CNGB1: variants seen among roughly 807,000 people sequenced by gnomAD.
CNGB1 encodes the protein cyclic nucleotide-gated channel beta-1.
A neutral mutation model predicts 151.7 loss-of-function variants in CNGB1; 126 were observed. That is an observed-to-expected ratio of 0.83 (90% CI 0.72 to 0.96). CNGB1 has a LOEUF of 0.96. Ranked by LOEUF, CNGB1 falls within the 40% of genes least tolerant of loss-of-function variation. CNGB1 has a pLI of 0.00. For missense variants in CNGB1, 1,698 were observed against 1,627.0 expected (o/e 1.04, Z -0.75); for synonymous variants, 623 against 635.1 (o/e 0.98, Z 0.29).
chr16:57,923,218 A>AACCC, intron 18 of CNGB1, 55 bp downstream of exon 18: 9 of 1,082,592 alleles, frequency 8.3e-6, no homozygotes, highest in South Asian at 1.3e-5. Flanking sequence ...GCCCCCCCAC[A>AACCC]TCCCCCACCC....
rs528808099 is a variant in CNGB1, at chr16:57,892,398, A to G, written c.3243-4324T>C. ...CTGATGTGGTGGGGAACGTGGGGAG[A>G]TTTTCTGGGAGAAATTCAGATAGAC... On this transcript the variant is annotated intron_variant, in intron 31 of 32. Coordinates refer to ENST00000251102, the MANE Select transcript of CNGB1 (RefSeq NM_001297.5). 7.0e-4 allele frequency among the ~76,000 whole-genome samples: 107 copies of G among 152,138 alleles called. 1 individual carries two copies. Among genetic ancestry groups the G allele is most frequent in the African/African-American group, 2.5e-3 (103 of 41,514 alleles).
rs770163501 is a variant in CNGB1, at chr16:57,923,368, G to T, written c.1548C>A (p.Pro516=). ...GCTCTTCAGCCTCATCATCCTCAGAGGGCAGCTTCTTCCTGCAAAGACACA... is the reference window on the plus strand; with the variant it reads ...GCTCTTCAGCCTCATCATCCTCAGATGGCAGCTTCTTCCTGCAAAGACACA... ...SASGTHRKKL[P]SEDDEAEELK... The change falls in exon 18 of 33, where the codon CCC becomes CCA. Residue 516 remains proline, a synonymous_variant. Coordinates refer to ENST00000251102, the MANE Select transcript of CNGB1 (RefSeq NM_001297.5). The T allele has an allele frequency of 6.2e-7, 1 of 1,613,084 alleles. No individual in the cohort carries two copies. The highest frequency in any genetic ancestry group is 8.5e-7 in the Non-Finnish European group (1 of 1,179,652).
chr16:57,936,899 G>T (rs1457809274), intron 16 of CNGB1, among the ~76,000 whole-genome samples: 2 of 152,164 alleles, frequency 1.3e-5, no homozygotes, highest in Non-Finnish European at 2.9e-5. Context: ...GGAAGAGAAG[G>T]GGGCTACAAC....
chr16:57,962,544 C>A (rs1207833000), intron 7 of CNGB1, 21 bp downstream of exon 7: 1 of 1,611,182 alleles, frequency 6.2e-7, no homozygotes, highest in South Asian at 1.1e-5. Context: ...ACAACAGTGA[C>A]ACTCAGGGAT....
At chr16:57,937,724 C>T (rs370754093) in intron 16 of CNGB1, among the ~76,000 whole-genome samples, 1 of 152,206 alleles carries the variant, frequency 6.6e-6, no homozygotes, top group Non-Finnish European at 1.5e-5. Context: ...CAGTCCAAAG[C>T]AGCCCTGGAG....
intron 1 of CNGB1, among the ~76,000 whole-genome samples, chr16:57,969,949 C>A (rs1423296721): frequency 6.6e-6 from 1 of 152,208 alleles, no homozygotes; most frequent in African/African-American, 2.4e-5. Context: ...TGCCAGGGAC[C>A]CTGGCCCCAG....
chr16:57,915,451 G>T, intron 22 of CNGB1, 116 bp from the exon 23 acceptor site: 1 of 826,492 alleles, frequency 1.2e-6, no homozygotes, highest in Non-Finnish European at 2.0e-6. Context: ...GAATGCCCCA[G>T]TAGAGCTTAA....
intron 16 of CNGB1, among the ~76,000 whole-genome samples, chr16:57,938,935 C>A (rs1021651153): frequency 1.3e-5 from 2 of 152,156 alleles, no homozygotes; most frequent in Non-Finnish European, 2.9e-5. Context: ...AGGAAAAGCT[C>A]ATAAAGAGAC....
intron 6 of CNGB1, 61 bp from the exon 7 acceptor site, chr16:57,962,671 G>T: frequency 6.3e-7 from 1 of 1,590,276 alleles, no homozygotes; most frequent in African/African-American, 1.3e-5. Flanking sequence ...CAGCCCCCTG[G>T]GCAGCCTGGA....
chr16:57,908,321 T>A (rs1306062175), intron 25 of CNGB1, among the ~76,000 whole-genome samples: 1 of 152,220 alleles, frequency 6.6e-6, no homozygotes, highest in East Asian at 1.9e-4. Flanking sequence ...TTAACCACTC[T>A]ACAAAGCCGC....
At chr16:57,941,576 G>A (rs191340095) in intron 14 of CNGB1, among the ~76,000 whole-genome samples, 6 of 152,274 alleles carry the variant, frequency 3.9e-5, no homozygotes, top group East Asian at 1.9e-4. Context: ...ATCTATAAAC[G>A]CGGTACACCA....
chr16:57,958,501 A>C lies in CNGB1; in HGVS notation c.762-16T>G, dbSNP rs374465272. The C allele has an allele frequency of 6.2e-6, 10 of 1,611,952 alleles. No homozygotes were observed. The highest frequency in any genetic ancestry group is 8.5e-6 in the Non-Finnish European group (10 of 1,178,270). On this transcript the variant is annotated splice_polypyrimidine_tract_variant and intron_variant, in intron 10 of 32. Transcript: ENST00000251102. ...TGCCACCAGCCTGCAGGTGGGAGAG[A>C]GTGTGCGGTGTCCAGGTGGGAAGGG...
Position 57,962,560 on chromosome 16 carries a change from C to T in CNGB1, c.458+5G>A. On this transcript the variant is annotated splice_donor_5th_base_variant and intron_variant, in intron 7 of 32. Transcript: ENST00000251102. ...CAACAGTGACACTCAGGGATAGGGA[C>T]TCACCTAGTGTCTTGGGCCTCAAGG... is the stretch of plus-strand genomic sequence containing the variant. 6.2e-7 allele frequency: 1 copy of T among 1,613,266 alleles called. No individual in the cohort carries two copies. Among genetic ancestry groups the T allele is most frequent in the Non-Finnish European group, 8.5e-7 (1 of 1,179,190 alleles).
Position 57,950,388 on chromosome 16 carries a change from T to G in CNGB1, c.1027A>C (p.Met343Leu). 1 of 1,614,232 alleles carries G rather than the reference T, an allele frequency of 6.2e-7. No individual in the cohort carries two copies. The highest frequency in any genetic ancestry group is 1.1e-5 in the South Asian group (1 of 91,080). ...TCTTCTCAGACTCCCCACCTGGGCA[T>G]CTTCTCCACAGCTTTGTTCTCTTCT... ...YEEENKAVEK[M>L]PRELSRIEEE... Residue 343 changes from methionine to leucine, a missense_variant, in exon 13 of 33, where the codon ATG becomes CTG. Transcript: ENST00000251102.
chr16:57,940,473 T>C, intron 14 of CNGB1, 152 bp from the exon 15 acceptor site: 1 of 685,060 alleles, frequency 1.5e-6, no homozygotes, highest in Non-Finnish European at 2.5e-6. Context: ...TCCAGGGCAG[T>C]GTCCTACTAA....
intron 31 of CNGB1, among the ~76,000 whole-genome samples, chr16:57,889,482 C>A (rs545185356): frequency 6.6e-6 from 1 of 152,326 alleles, no homozygotes; most frequent in East Asian, 1.9e-4. Context: ...TTCCCCCATC[C>A]AGACTTGAGA....
In CNGB1 at chr16:57,964,199, G is replaced by C. The variant is rs1324509049; in HGVS notation, c.221C>G (p.Thr74Ser). 1.2e-6 allele frequency: 2 copies of C among 1,614,110 alleles called. No individual in the cohort carries two copies. Among genetic ancestry groups the C allele is most frequent in the Non-Finnish European group, 1.7e-6 (2 of 1,179,986 alleles). The change falls in exon 4 of 33, where the codon ACC becomes AGC. Residue 74 changes from threonine to serine, a missense_variant. Transcript: ENST00000251102. ...GGTGGAAGTAAGGGCAGCCTCCTTG[G>C]TCTCTGGAAAAGAATCTCTCATCCT... ...VAVADPSPQE[T>S]KEAALTSTIS...
intron 22 of CNGB1, 92 bp downstream of exon 22, chr16:57,916,037 A>G: frequency 3.3e-6 from 4 of 1,226,308 alleles, no homozygotes; most frequent in East Asian, 2.3e-5. Flanking sequence ...GGCAGAAACC[A>G]CATCTCATGA....
At chr16:57,926,567 T>C (rs200298058) in intron 17 of CNGB1, among the ~76,000 whole-genome samples, 220 of 152,334 alleles carry the variant, frequency 1.4e-3, no homozygotes, top group Non-Finnish European at 2.5e-3. Flanking sequence ...ATTCACTTTT[T>C]TCACACTGTA....
Sources: gnomAD v4.1 joint callset for allele counts (sites outside exome capture counted in the v4.1 genomes callset) on GRCh38, gnomAD v4.1.1 for gene constraint, MANE v1.5 for transcripts, NCBI Gene and HGNC (gene_info 2026-07-23, HGNC 2026-07-21) for gene names.